The following LRIG1 variants were observed in gnomAD, a reference collection of about 807,000 sequenced individuals.
LRIG1 encodes leucine rich repeats and immunoglobulin like domains 1, also known as leucine-rich repeats and immunoglobulin-like domains protein 1.
A neutral mutation model predicts 99.2 loss-of-function variants in LRIG1; 48 were observed. The observed-to-expected ratio is 0.48, with a 90% confidence interval of 0.38 to 0.62. The LOEUF is 0.62. Among genes scored for constraint, LRIG1 ranks in the 20% least tolerant of loss-of-function variants. LRIG1 has a pLI of 0.00. For missense variants in LRIG1, 1,646 were observed against 1,434.4 expected (o/e 1.15, Z -2.38); for synonymous variants, 772 against 596.1 (o/e 1.29, Z -4.30).
At chr3:66,486,166 C>T (rs1371113092) in intron 1 of LRIG1, among the ~76,000 whole-genome samples, 1 of 152,144 alleles carries the variant, frequency 6.6e-6, no homozygotes, top group Non-Finnish European at 1.5e-5. Context: ...ATTATTGCGA[C>T]AGTTATAATA....
chr3:66,395,347 A>T (rs1351213245), intron 11 of LRIG1, among the ~76,000 whole-genome samples: 1 of 152,122 alleles, frequency 6.6e-6, no homozygotes, highest in East Asian at 1.9e-4. Context: ...CTGGCCTTCC[A>T]TTTTCTTCTG....
chr3:66,467,279 A>G (rs1700494097), intron 1 of LRIG1, among the ~76,000 whole-genome samples: 1 of 152,146 alleles, frequency 6.6e-6, no homozygotes, highest in African/African-American at 2.4e-5. Context: ...TTTAGTAGCC[A>G]CTGGCTATTT....
In LRIG1 at chr3:66,380,747, G is replaced by C; in HGVS notation, c.2885C>G (p.Pro962Arg). The C allele has an allele frequency of 6.2e-7, 1 of 1,614,188 alleles. No individual in the cohort carries two copies. ...VSRDSAQPSA[P>R]NGPEPGGSDQ... ...ACTCCCACCCGGCTCCGGGCCATTT[G>C]GCGCACTTGGCTGTGCGCTGTCTCT... The change falls in exon 18 of 19, where the codon CCA (proline) becomes CGA (arginine). Residue 962 changes from proline (P) to arginine (R), a missense_variant. By Grantham distance (103) the Pro-to-Arg change is moderately radical. Transcript: ENST00000273261.
intron 12 of LRIG1, among the ~76,000 whole-genome samples, chr3:66,392,219 A>G (rs982541911): frequency 3.3e-5 from 5 of 152,206 alleles, no homozygotes; most frequent in Non-Finnish European, 5.9e-5. Flanking sequence ...GGTTGTGCCC[A>G]TATTTTGGCC....
intron 3 of LRIG1, among the ~76,000 whole-genome samples, chr3:66,440,000 C>T (rs985089967): frequency 1.3e-5 from 2 of 151,014 alleles, no homozygotes; most frequent in African/African-American, 5.0e-5. Context: ...ATTTCCCCTC[C>T]ACCTGGTGAG....
intron 3 of LRIG1, chr3:66,417,722 A>C (rs1359835977): frequency 6.4e-6 from 1 of 155,978 alleles, no homozygotes; most frequent in Non-Finnish European, 1.4e-5. Context: ...CCAGTTTAAC[A>C]CATCATTACA....
In LRIG1 at chr3:66,406,415, T is replaced by TATGG. The variant is rs1183754760; in HGVS notation, c.1079+929_1079+932dup. 3.0e-6 allele frequency: 3 copies of TATGG among 985,308 alleles called. No homozygotes were observed. In the East Asian group the frequency reaches 3.4e-4, roughly 112 times the overall value. The allele number at this position is 985,308 out of a possible 1,614,324, so 61.0% of individuals were successfully genotyped here. Reference sequence around the variant, plus strand: ...TCCCAGCCTTGTTATTTGGGCCTTGTATGGGCTCACAGGCTGACCTGGCCT... The same window carrying TATGG: ...TCCCAGCCTTGTTATTTGGGCCTTGTATGGATGGGCTCACAGGCTGACCTGGCCT... On this transcript the variant is annotated intron_variant, in intron 8 of 18. Coordinates refer to ENST00000273261, the MANE Select transcript of LRIG1 (RefSeq NM_015541.3).
chr3:66,424,445 C>T (rs9815522), intron 3 of LRIG1, among the ~76,000 whole-genome samples: 5,402 of 152,260 alleles, frequency 0.035, 304 homozygotes, highest in African/African-American at 0.12. Context: ...GCCATGGAAA[C>T]GTGTCTGCTG....
intron 3 of LRIG1, among the ~76,000 whole-genome samples, chr3:66,450,380 T>C (rs1703864706): frequency 6.6e-6 from 1 of 152,148 alleles, no homozygotes; most frequent in African/African-American, 2.4e-5. Flanking sequence ...CGGGCCTCAC[T>C]TTCCTCATGT....
intron 9 of LRIG1, among the ~76,000 whole-genome samples, 185 bp downstream of exon 9, chr3:66,405,013 G>C (rs1702210106): frequency 1.3e-5 from 2 of 152,144 alleles, no homozygotes; most frequent in South Asian, 4.2e-4. Context: ...TCAAGGAGTG[G>C]GGTGTCCCCC....
intron 1 of LRIG1, among the ~76,000 whole-genome samples, chr3:66,481,754 G>C (rs1276054402): frequency 1.3e-5 from 2 of 152,196 alleles, no homozygotes; most frequent in African/African-American, 4.8e-5. Context: ...TAAACGAGAA[G>C]GGATGTCTAA....
intron 3 of LRIG1, among the ~76,000 whole-genome samples, chr3:66,444,689 G>C (rs984983497): frequency 1.3e-5 from 2 of 152,190 alleles, no homozygotes; most frequent in Non-Finnish European, 2.9e-5. Context: ...CCAGTGACTT[G>C]TGTCTCAGCA....
intron 3 of LRIG1, among the ~76,000 whole-genome samples, chr3:66,429,780 C>T (rs1449988204): frequency 5.1e-4 from 73 of 142,686 alleles, no homozygotes; most frequent in Non-Finnish European, 6.0e-5. Context: ...ATAGGGGAAA[C>T]AGGGTGGGTG....
intron 1 of LRIG1, among the ~76,000 whole-genome samples, chr3:66,495,523 G>C (rs1315976885): frequency 2.0e-5 from 3 of 152,322 alleles, no homozygotes; most frequent in East Asian, 3.9e-4. Flanking sequence ...CTATGGGGTA[G>C]GTCAGAGGAA....
At position 66,382,498 on chromosome 3, in the gene LRIG1, G is replaced by A. The variant is rs534903789; in HGVS notation, c.2492-100C>T. 1,143 of 1,355,450 alleles carry A rather than the reference G, an allele frequency of 8.4e-4. 2 individuals are homozygous for A. The highest frequency in any genetic ancestry group is 1.1e-3 in the Non-Finnish European group (1,048 of 953,442). The allele number at this position is 1,355,450 out of a possible 1,614,324, so 84.0% of individuals were successfully genotyped here. A position where few individuals can be genotyped will look rare whatever the true frequency, so the allele number is the denominator to read the frequency against. On this transcript the variant is annotated intron_variant, in intron 15 of 18. Coordinates refer to ENST00000273261, the MANE Select transcript of LRIG1 (RefSeq NM_015541.3). ...TCAGAAAGGGGATCCTCCCAGTGAC[G>A]ACCATCAGCGCTGTGCAGAGAGATG...
chr3:66,429,411 C>T (rs531075814), intron 3 of LRIG1, among the ~76,000 whole-genome samples: 2 of 152,320 alleles, frequency 1.3e-5, no homozygotes, highest in East Asian at 3.9e-4. Flanking sequence ...CACAAATAAA[C>T]AAGAGCAGCA....
Position 66,380,693 on chromosome 3 carries a change from C to T in LRIG1, c.2939G>A (p.Cys980Tyr). 3 of 1,614,208 alleles carry T rather than the reference C, an allele frequency of 1.9e-6. No individual in the cohort carries two copies. The highest frequency in any genetic ancestry group is 2.5e-6 in the Non-Finnish European group (3 of 1,180,040). The stretch of plus-strand genomic sequence containing the variant: ...GCAGGACCCAGCGGCAGTCCTGCTG[C>T]ACTGGTGATGTGGAGAATGCTCTTG... ...SDQEHSPHHQ[C>Y]SRTAAGSCPE... The change falls in exon 18 of 19, where the codon TGC becomes TAC. Residue 980 changes from cysteine to tyrosine, a missense_variant. Coordinates refer to ENST00000273261, the MANE Select transcript of LRIG1 (RefSeq NM_015541.3).
intron 2 of LRIG1, among the ~76,000 whole-genome samples, chr3:66,460,917 G>A (rs1700341234): frequency 6.6e-6 from 1 of 152,198 alleles, no homozygotes; most frequent in African/African-American, 2.4e-5. Context: ...CCAATCTGGA[G>A]AATCTGGAGA....
At chr3:66,462,864 G>A (rs1346544874) in intron 1 of LRIG1, among the ~76,000 whole-genome samples, 2 of 152,018 alleles carry the variant, frequency 1.3e-5, no homozygotes, top group Non-Finnish European at 2.9e-5. Context: ...ATTCTTAACG[G>A]CATTTTTTTA....
Sources: allele counts gnomAD v4.1 joint callset (sites outside exome capture counted in the v4.1 genomes callset), GRCh38; gene constraint gnomAD v4.1.1; transcripts MANE v1.5; gene names NCBI Gene and HGNC (gene_info 2026-07-23, HGNC 2026-07-21).